The following CACNA1E variants were observed in gnomAD, a reference collection of about 807,000 sequenced individuals.
CACNA1E encodes the protein calcium voltage-gated channel subunit alpha1 E.
CACNA1E carries 40 observed loss-of-function variants against 259.2 expected under a neutral mutation model. The observed-to-expected ratio is 0.15, with a 90% CI of 0.12 to 0.20. The LOEUF (loss-of-function observed/expected upper bound fraction) is 0.20. CACNA1E is among the 10% of genes least tolerant of loss of function. The pLI, the probability that CACNA1E is intolerant of heterozygous loss-of-function variation, is 1.00. For synonymous variants in CACNA1E, 1,104 were observed against 1,138.5 expected (o/e 0.97, Z 0.61); for missense variants, 1,874 against 3,040.1 (o/e 0.62, Z 9.02).
intron 3 of CACNA1E, among the ~76,000 whole-genome samples, chr1:181,545,047 C>G (rs1647297948): frequency 6.6e-6 from 1 of 152,078 alleles, no homozygotes; most frequent in Non-Finnish European, 1.5e-5. Context: ...AGCAAGCACT[C>G]AGATCATTCT....
intron 2 of CACNA1E, among the ~76,000 whole-genome samples, chr1:181,417,406 A>G (rs549568839): frequency 9.6e-4 from 146 of 152,270 alleles, no homozygotes; most frequent in Non-Finnish European, 1.7e-3. Context: ...AGTGTACTTC[A>G]TGCTTCACCA....
intron 3 of CACNA1E, among the ~76,000 whole-genome samples, chr1:181,570,288 T>A (rs1021748992): frequency 3.9e-5 from 6 of 152,072 alleles, no homozygotes; most frequent in Non-Finnish European, 8.8e-5. Context: ...GGTAGGGGAT[T>A]TGGGTGCAGG....
rs71121088 is a variant in CACNA1E, at chr1:181,338,503, A to ATTTTTTTT, written c.-15+20387_-15+20394dup. Among the ~76,000 whole-genome samples the ATTTTTTTT allele has an allele frequency of 3.6e-4, 51 of 141,506 alleles. 1 individual carries two copies. The highest frequency in any genetic ancestry group is 1.2e-3 in the African/African-American group (48 of 38,676). 92.8% of individuals were successfully genotyped at this position (141,506 alleles called of 152,430 possible). A position where few individuals can be genotyped will look rare whatever the true frequency, so the allele number is the denominator to read the frequency against. On this transcript the variant is annotated intron_variant, in intron 1 of 11. Coordinates refer to the CACNA1E transcript ENST00000524607. ...AAATGTCTATTCAGGTCATTTACCC[A>ATTTTTTTT]TTTTTTTTTTTTTTGTGGCTAAGTT...
chr1:181,716,836 A>G (rs1653942134), intron 10 of CACNA1E, among the ~76,000 whole-genome samples: 1 of 152,302 alleles, frequency 6.6e-6, no homozygotes, highest in South Asian at 2.1e-4. Context: ...CATAAACACG[A>G]TCCTATTAAG....
chr1:181,581,765 C>A (rs548970687), intron 6 of CACNA1E, among the ~76,000 whole-genome samples: 3 of 152,090 alleles, frequency 2.0e-5, no homozygotes, highest in African/African-American at 7.2e-5. Context: ...AAGGACTGTA[C>A]CCTTACCTGC....
chr1:181,381,855 T>C (rs547105079), intron 1 of CACNA1E, among the ~76,000 whole-genome samples: 138 of 152,356 alleles, frequency 9.1e-4, no homozygotes, highest in African/African-American at 2.5e-3. Flanking sequence ...AATTCTATTT[T>C]CCCAAATCTA....
At chr1:181,418,708 G>A (rs1658478965) in intron 2 of CACNA1E, among the ~76,000 whole-genome samples, 1 of 151,978 alleles carries the variant, frequency 6.6e-6, no homozygotes. Context: ...AAATGTTGAA[G>A]TCATTTTGAT....
At chr1:181,442,296 G>A (rs1571884430) in intron 2 of CACNA1E, among the ~76,000 whole-genome samples, 1 of 134,384 alleles carries the variant, frequency 7.4e-6, no homozygotes, top group African/African-American at 3.2e-5. Context: ...CAGGGCATGA[G>A]GGAGACAGGT....
chr1:181,785,502 T>G lies in CACNA1E; in HGVS notation c.5679+84T>G. ...AGGCCTGTGCCTCCCTGGGGCATAG[T>G]GCCCGGCAAGGACTTAGAAGCAGCA... On this transcript the variant is annotated intron_variant, in intron 42 of 47. Coordinates refer to ENST00000367573, the MANE Select transcript of CACNA1E (RefSeq NM_001205293.3). 5 of 1,026,730 alleles carry G rather than the reference T, an allele frequency of 4.9e-6. No homozygotes were observed. The South Asian group carries it at 6.7e-5, about 14-fold the overall frequency. The allele number at this position is 1,026,730 out of a possible 1,614,324, so 63.6% of individuals were successfully genotyped here.
At chr1:181,691,443 A>G (rs1215732211) in intron 7 of CACNA1E, among the ~76,000 whole-genome samples, 1 of 152,132 alleles carries the variant, frequency 6.6e-6, no homozygotes, top group Admixed American at 6.6e-5. Flanking sequence ...TGGCATCACT[A>G]TAGATCCTAC....
At chr1:181,711,967 G>A (rs1653413999) in intron 8 of CACNA1E, among the ~76,000 whole-genome samples, 1 of 152,198 alleles carries the variant, frequency 6.6e-6, no homozygotes, top group Non-Finnish European at 1.5e-5. Context: ...GACCATAGAA[G>A]GATAAGGCTG....
In CACNA1E at chr1:181,800,995, A is replaced by AT. The variant is rs1364558710; in HGVS notation, c.*2162dup. 6 of 152,684 alleles carry AT rather than the reference A, an allele frequency of 3.9e-5. No individual in the cohort carries two copies. Among genetic ancestry groups the AT allele is most frequent in the Non-Finnish European group, 8.8e-5 (6 of 68,048 alleles). The allele number at this position is 152,684 out of a possible 1,614,324, so 9.5% of individuals were successfully genotyped here. A position where few individuals can be genotyped will look rare whatever the true frequency, so the allele number is the denominator to read the frequency against. ...GCTTGAGGGTGGCTGGGAATGTGAT[A>AT]TACAGCACCCTGATCCTAACAGGTG... On this transcript the variant is annotated 3_prime_UTR_variant, in exon 48 of 48. Transcript: ENST00000367573.
In CACNA1E at chr1:181,483,698, T is replaced by G; in HGVS notation, c.-47T>G. On this transcript the variant is annotated 5_prime_UTR_variant, in exon 1 of 48. Coordinates refer to ENST00000367573, the MANE Select transcript of CACNA1E (RefSeq NM_001205293.3). ...TCTGCTTGTTGCTGTGTGCGGGTGT[T>G]CGGCCGCGATCACCTTTGTGTGTCT... 4.7e-6 allele frequency: 7 copies of G among 1,482,206 alleles called. No homozygotes were observed. The highest frequency in any genetic ancestry group is 1.4e-5 in the African/African-American group (1 of 70,874). 91.8% of individuals were successfully genotyped at this position (1,482,206 alleles called of 1,614,324 possible). A position where few individuals can be genotyped will look rare whatever the true frequency, so the allele number is the denominator to read the frequency against.
chr1:181,524,848 CCTT>C, intron 3 of CACNA1E, among the ~76,000 whole-genome samples: 1 of 152,286 alleles, frequency 6.6e-6, no homozygotes, highest in African/African-American at 2.4e-5. Context: ...CTAGCAACAA[CCTT>C]GCCCTGTGGG....
chr1:181,444,787 C>G (rs1233186958), intron 2 of CACNA1E, among the ~76,000 whole-genome samples: 7 of 152,146 alleles, frequency 4.6e-5, no homozygotes, highest in Non-Finnish European at 8.8e-5. Context: ...AGCCAGCAAG[C>G]TCAGGAGCTC....
intron 1 of CACNA1E, among the ~76,000 whole-genome samples, chr1:181,398,925 A>G (rs951236179): frequency 2.0e-5 from 3 of 152,232 alleles, no homozygotes; most frequent in African/African-American, 7.2e-5. Flanking sequence ...AACTGGAAAC[A>G]GAGCTCCCTT....
chr1:181,759,792 A>G (rs1169487108), intron 32 of CACNA1E, among the ~76,000 whole-genome samples: 1 of 152,192 alleles, frequency 6.6e-6, no homozygotes, highest in East Asian at 1.9e-4. Context: ...CATTATCTGA[A>G]TAAGTGTTTG....
chr1:181,499,599 T>C (rs1425173321), intron 1 of CACNA1E, among the ~76,000 whole-genome samples: 1 of 152,228 alleles, frequency 6.6e-6, no homozygotes, highest in African/African-American at 2.4e-5. Context: ...ATCATTGTTA[T>C]TTCAGCTGAT....
At chr1:181,402,683 G>T (rs1048852614) in intron 1 of CACNA1E, among the ~76,000 whole-genome samples, 2 of 152,190 alleles carry the variant, frequency 1.3e-5, no homozygotes, top group Non-Finnish European at 2.9e-5. Flanking sequence ...GAGGGGTCAG[G>T]TGGAACCTGG....
Sources: allele counts gnomAD v4.1 joint callset (sites outside exome capture counted in the v4.1 genomes callset), GRCh38; gene constraint gnomAD v4.1.1; transcripts MANE v1.5; gene names NCBI Gene and HGNC (gene_info 2026-07-23, HGNC 2026-07-21).